Variants in IL1RAPL2 observed in about 807,000 individuals in gnomAD.
The protein encoded by IL1RAPL2 is interleukin 1 receptor accessory protein like 2.
In IL1RAPL2, 3 loss-of-function variants were observed where a neutral mutation model predicts 44.1. That is an observed-to-expected ratio of 0.07 (90% CI 0.03 to 0.18). The LOEUF (loss-of-function observed/expected upper bound fraction) is 0.18. Among genes scored for constraint, IL1RAPL2 ranks in the 10% least tolerant of loss-of-function variants. The pLI is 1.00. For synonymous variants in IL1RAPL2, 181 were observed against 178.8 expected (o/e 1.01, Z -0.10); for missense variants, 391 against 496.4 (o/e 0.79, Z 2.02).
At chrX:104,689,328 G>A (rs1055057138) in intron 2 of IL1RAPL2, among the ~76,000 whole-genome samples, 4 of 111,353 alleles carry the variant, frequency 3.6e-5, no homozygotes, top group African/African-American at 1.3e-4. Flanking sequence ...ACCAAATGAG[G>A]CACATGCTTA....
Position 104,901,964 on chromosome X carries a change from A to G in IL1RAPL2, c.82+242969A>G, listed in dbSNP as rs563781416. Among the ~76,000 whole-genome samples, 26 of 112,248 alleles carry G rather than the reference A, an allele frequency of 2.3e-4. No homozygotes were observed. The South Asian group carries it at 9.7e-3, about 42-fold the overall frequency. Reference sequence around the variant, plus strand: ...ATTTTATCCTCATTCTGTAATATAAATAGTATGTCCCTATCCTGTGAAATA... The same window carrying G: ...ATTTTATCCTCATTCTGTAATATAAGTAGTATGTCCCTATCCTGTGAAATA... On this transcript the variant is annotated intron_variant, in intron 2 of 10. Coordinates refer to ENST00000372582, the MANE Select transcript of IL1RAPL2 (RefSeq NM_017416.2).
At chrX:105,381,637 T>A (rs1483439850) in intron 5 of IL1RAPL2, among the ~76,000 whole-genome samples, 1 of 111,857 alleles carries the variant, frequency 8.9e-6, no homozygotes, top group Non-Finnish European at 1.9e-5. Flanking sequence ...ATATAATAGC[T>A]GTACATATTT....
intron 2 of IL1RAPL2, among the ~76,000 whole-genome samples, chrX:104,719,755 T>A (rs903345136): frequency 8.1e-5 from 9 of 111,381 alleles, no homozygotes; most frequent in African/African-American, 2.9e-4. Context: ...TGCAGAGAGG[T>A]GGGAAGGCCA....
chrX:105,294,664 A>G (rs749608411), intron 5 of IL1RAPL2, among the ~76,000 whole-genome samples: 1 of 112,513 alleles, frequency 8.9e-6, no homozygotes, highest in East Asian at 2.8e-4. Flanking sequence ...TAAATCAATC[A>G]GATTTTACTA....
chrX:105,119,464 C>T (rs1006224799), intron 2 of IL1RAPL2, among the ~76,000 whole-genome samples: 1 of 111,354 alleles, frequency 9.0e-6, no homozygotes, highest in African/African-American at 3.3e-5. Flanking sequence ...CTCGATCCTG[C>T]ATTCTACAAA....
chrX:104,794,146 T>C (rs1932838564), intron 2 of IL1RAPL2, among the ~76,000 whole-genome samples: 1 of 111,952 alleles, frequency 8.9e-6, no homozygotes, highest in Non-Finnish European at 1.9e-5. Context: ...TCATGTAGCA[T>C]AGGGGATATG....
chrX:105,227,747 T>A (rs2034031258), intron 3 of IL1RAPL2, among the ~76,000 whole-genome samples: 2 of 112,224 alleles, frequency 1.8e-5, no homozygotes, highest in South Asian at 7.3e-4. Context: ...TTTTATGTAA[T>A]TATTTATGCA....
intron 2 of IL1RAPL2, among the ~76,000 whole-genome samples, chrX:104,721,390 G>T (rs941090501): frequency 9.1e-6 from 1 of 110,401 alleles, no homozygotes; most frequent in African/African-American, 3.3e-5. Flanking sequence ...GGACACAGAT[G>T]GAGCTGGAAG....
chrX:104,715,775 GA>G (rs1931552749), intron 2 of IL1RAPL2, among the ~76,000 whole-genome samples: 1 of 110,149 alleles, frequency 9.1e-6, no homozygotes, highest in African/African-American at 3.3e-5. Flanking sequence ...ACTACTCAAA[GA>G]AATCAGAGAT....
At chrX:105,427,059 A>G (rs2035816448) in intron 5 of IL1RAPL2, among the ~76,000 whole-genome samples, 2 of 112,855 alleles carry the variant, frequency 1.8e-5, no homozygotes, top group Non-Finnish European at 3.8e-5. Context: ...CAGCAATACA[A>G]TATACCATGT....
chrX:105,032,235 G>T (rs1327222999), intron 2 of IL1RAPL2, among the ~76,000 whole-genome samples: 2 of 108,772 alleles, frequency 1.8e-5, no homozygotes, highest in Non-Finnish European at 1.9e-5. Flanking sequence ...CTTCAGTTCT[G>T]CTCTGATTTT....
At chrX:105,379,064 T>C (rs2035409431) in intron 5 of IL1RAPL2, among the ~76,000 whole-genome samples, 1 of 111,888 alleles carries the variant, frequency 8.9e-6, no homozygotes, top group African/African-American at 3.2e-5. Flanking sequence ...TTCAGCTATA[T>C]TGTAATCCAA....
intron 5 of IL1RAPL2, chrX:105,405,983 G>A: frequency 8.3e-7 from 1 of 1,203,649 alleles, no homozygotes; most frequent in Non-Finnish European, 1.1e-6. Context: ...CAGATTCTAA[G>A]CCTCCTGAGG....
chrX:104,747,226 C>G (rs1239163039), intron 2 of IL1RAPL2, among the ~76,000 whole-genome samples: 2 of 111,257 alleles, frequency 1.8e-5, no homozygotes, highest in Non-Finnish European at 3.8e-5. Context: ...CTCATCTGCT[C>G]CATGGAGACT....
At chrX:104,819,519 T>C (rs193123907) in intron 2 of IL1RAPL2, among the ~76,000 whole-genome samples, 388 of 112,108 alleles carry the variant, frequency 3.5e-3, no homozygotes, top group African/African-American at 0.012. Context: ...GAGGTTTCTT[T>C]GATTATCATA....
chrX:105,155,481 A>C (rs985844331), intron 2 of IL1RAPL2, among the ~76,000 whole-genome samples: 1 of 111,320 alleles, frequency 9.0e-6, no homozygotes, highest in Non-Finnish European at 1.9e-5. Context: ...ATTGTAGGAA[A>C]AATGAGGTTG....
chrX:105,582,841 G>A (rs1455528232), intron 6 of IL1RAPL2, among the ~76,000 whole-genome samples: 2 of 110,575 alleles, frequency 1.8e-5, no homozygotes, highest in Admixed American at 9.6e-5. Context: ...TAAATCCCAC[G>A]TGGTCATGAG....
At chrX:105,288,350 T>A (rs1356926594) in intron 5 of IL1RAPL2, among the ~76,000 whole-genome samples, 1 of 109,765 alleles carries the variant, frequency 9.1e-6, no homozygotes, top group Non-Finnish European at 1.9e-5. Context: ...GGTGTGTAAA[T>A]CATATTGGGG....
chrX:105,116,993 A>G (rs763456694), intron 2 of IL1RAPL2, among the ~76,000 whole-genome samples: 2 of 112,468 alleles, frequency 1.8e-5, no homozygotes, highest in African/African-American at 3.2e-5. Flanking sequence ...ATCTAGTACA[A>G]TGAAATCTTC....
Sources: allele counts gnomAD v4.1 joint callset (sites outside exome capture counted in the v4.1 genomes callset), GRCh38; gene constraint gnomAD v4.1.1; transcripts MANE v1.5; gene names NCBI Gene and HGNC (gene_info 2026-07-23, HGNC 2026-07-21).